Variants in CORIN observed in about 807,000 individuals in gnomAD.
CORIN encodes corin, serine peptidase.
In CORIN, 117 loss-of-function variants were observed where a neutral mutation model predicts 125.3. The observed-to-expected ratio is 0.93, with a 90% CI of 0.80 to 1.09. The LOEUF is 1.09. CORIN is among the 50% of genes least tolerant of loss of function. The pLI is 0.00. For missense variants in CORIN, 1,253 were observed against 1,306.7 expected (o/e 0.96, Z 0.63); for synonymous variants, 450 against 466.4 (o/e 0.96, Z 0.45).
intron 5 of CORIN, among the ~76,000 whole-genome samples, chr4:47,727,976 T>C (rs1727676368): frequency 6.6e-6 from 1 of 152,158 alleles, no homozygotes; most frequent in African/African-American, 2.4e-5. Context: ...TATGTTGCAC[T>C]GCCTCCTCGA....
At chr4:47,628,020 T>C (rs1301811005) in intron 16 of CORIN, among the ~76,000 whole-genome samples, 1 of 152,170 alleles carries the variant, frequency 6.6e-6, no homozygotes, top group African/African-American at 2.4e-5. Flanking sequence ...ATTTCATTCA[T>C]TAGCTTCCAA....
At chr4:47,754,493 T>C (rs1441210559) in intron 4 of CORIN, among the ~76,000 whole-genome samples, 1 of 152,160 alleles carries the variant, frequency 6.6e-6, no homozygotes, top group East Asian at 1.9e-4. Context: ...TAAAAAATTA[T>C]AAATATGAAA....
intron 3 of CORIN, among the ~76,000 whole-genome samples, chr4:47,772,593 T>C (rs530862577): frequency 5.3e-4 from 80 of 152,356 alleles, no homozygotes; most frequent in African/African-American, 1.8e-3. Flanking sequence ...TTCCACAGTC[T>C]GATTCAAAAT....
At chr4:47,641,283 A>G (rs1232619130) in intron 16 of CORIN, among the ~76,000 whole-genome samples, 1 of 152,192 alleles carries the variant, frequency 6.6e-6, no homozygotes, top group African/African-American at 2.4e-5. Context: ...CCCAAATCTC[A>G]AATACATCAA....
intron 2 of CORIN, among the ~76,000 whole-genome samples, chr4:47,802,221 A>C (rs1731573125): frequency 6.6e-6 from 1 of 152,050 alleles, no homozygotes; most frequent in South Asian, 2.1e-4. Flanking sequence ...CTTTCTATTA[A>C]AAGCAGGGGA....
chr4:47,667,218 C>A (rs1724519912), intron 10 of CORIN, among the ~76,000 whole-genome samples: 1 of 152,184 alleles, frequency 6.6e-6, no homozygotes, highest in South Asian at 2.1e-4. Context: ...GTGAGGCCTC[C>A]CCAGTCATGT....
intron 5 of CORIN, among the ~76,000 whole-genome samples, chr4:47,740,639 A>G (rs980507617): frequency 2.6e-5 from 4 of 151,970 alleles, no homozygotes; most frequent in Non-Finnish European, 5.9e-5. Context: ...AGTTAATCCT[A>G]AAATTTATAC....
chr4:47,677,826 T>C lies in CORIN; in HGVS notation c.1249+112A>G, dbSNP rs1303567798. ...CTGTGAGGACCACTATGTTAGGCAATCTGGGATTATTTACATGGGAATCCT... is the reference window on the plus strand; with the variant it reads ...CTGTGAGGACCACTATGTTAGGCAACCTGGGATTATTTACATGGGAATCCT... On this transcript the variant is annotated intron_variant, in intron 9 of 21. Transcript: ENST00000273857. 11 of 742,852 alleles carry C rather than the reference T, an allele frequency of 1.5e-5. No homozygotes were observed. In the Admixed American group the frequency reaches 1.6e-4, roughly 11 times the overall value. The allele number at this position is 742,852 out of a possible 1,614,324, so 46.0% of individuals were successfully genotyped here.
chr4:47,708,756 A>T (rs934398341), intron 5 of CORIN, among the ~76,000 whole-genome samples: 2 of 152,020 alleles, frequency 1.3e-5, no homozygotes, highest in African/African-American at 4.8e-5. Flanking sequence ...ATCTTTCTCT[A>T]GTCGAAATCT....
At chr4:47,604,998 T>G (rs1320571473) in intron 19 of CORIN, among the ~76,000 whole-genome samples, 1 of 152,186 alleles carries the variant, frequency 6.6e-6, no homozygotes, top group Non-Finnish European at 1.5e-5. Context: ...TCTTGCTAAT[T>G]TTGAACATGC....
chr4:47,723,262 G>C (rs1727437409), intron 5 of CORIN, among the ~76,000 whole-genome samples: 1 of 152,220 alleles, frequency 6.6e-6, no homozygotes, highest in Non-Finnish European at 1.5e-5. Flanking sequence ...ATGGTCCCTG[G>C]AAGTCAGAGA....
chr4:47,754,031 G>C (rs900482645), intron 4 of CORIN, among the ~76,000 whole-genome samples: 1 of 152,166 alleles, frequency 6.6e-6, no homozygotes, highest in African/African-American at 2.4e-5. Flanking sequence ...AATTATTGAG[G>C]AGAAAAGTAC....
Position 47,777,045 on chromosome 4 carries a change from C to G in CORIN, c.409+9680G>C, listed in dbSNP as rs184392047. ...TCTGAGCCTGTCTTATAGAATTTCT[C>G]ACTTTATTTCTCAAGTTGTAAGAAT... is the stretch of plus-strand genomic sequence containing the variant. On this transcript the variant is annotated intron_variant, in intron 3 of 21. Coordinates refer to ENST00000273857, the MANE Select transcript of CORIN (RefSeq NM_006587.4). Among the ~76,000 whole-genome samples the G allele has an allele frequency of 2.5e-4, 38 of 152,242 alleles. No individual in the cohort carries two copies. The East Asian group carries it at 6.7e-3, about 27-fold the overall frequency.
intron 15 of CORIN, 171 bp downstream of exon 15, chr4:47,642,975 T>C (rs1427551323): frequency 2.6e-6 from 4 of 1,536,666 alleles, no homozygotes; most frequent in Non-Finnish European, 3.5e-6. Flanking sequence ...TGGGGAAATT[T>C]TCTGTGAGTT....
intron 19 of CORIN, among the ~76,000 whole-genome samples, chr4:47,612,437 A>C (rs1462341113): frequency 2.0e-5 from 3 of 152,250 alleles, no homozygotes; most frequent in Non-Finnish European, 4.4e-5. Flanking sequence ...TTAAAAATGG[A>C]TACAACAAGC....
intron 19 of CORIN, among the ~76,000 whole-genome samples, chr4:47,620,080 T>C (rs1291865671): frequency 6.6e-6 from 1 of 152,198 alleles, no homozygotes; most frequent in Non-Finnish European, 1.5e-5. Context: ...CACATTTCCA[T>C]TTTATAATCA....
intron 3 of CORIN, among the ~76,000 whole-genome samples, chr4:47,770,545 A>T (rs956496865): frequency 6.6e-6 from 1 of 151,978 alleles, no homozygotes; most frequent in African/African-American, 2.4e-5. Context: ...AAGGATGTAA[A>T]ATCAGTGTTT....
At chr4:47,642,896 G>T in intron 15 of CORIN, 1 of 1,491,260 alleles carries the variant, frequency 6.7e-7, no homozygotes, top group Non-Finnish European at 8.9e-7. Flanking sequence ...GCAATTATAT[G>T]ATTACAACAT....
chr4:47,812,758 A>G (rs1732116430), intron 1 of CORIN, among the ~76,000 whole-genome samples: 1 of 152,212 alleles, frequency 6.6e-6, no homozygotes, highest in Non-Finnish European at 1.5e-5. Context: ...CTCATCAGTG[A>G]ATGCTCTGTA....
Sources: gnomAD v4.1 joint callset for allele counts (sites outside exome capture counted in the v4.1 genomes callset) on GRCh38, gnomAD v4.1.1 for gene constraint, MANE v1.5 for transcripts, NCBI Gene and HGNC (gene_info 2026-07-23, HGNC 2026-07-21) for gene names.